Variants in TASOR observed in about 807,000 individuals in gnomAD.
The protein encoded by TASOR is protein TASOR.
Under a neutral mutation model 178.6 loss-of-function variants are expected in TASOR, and 53 were observed. That is an observed-to-expected ratio of 0.30 (90% CI 0.24 to 0.37). TASOR has a LOEUF of 0.37. Among genes scored for constraint, TASOR ranks in the 10% least tolerant of loss-of-function variants. TASOR has a pLI of 1.00. For missense variants in TASOR, 1,815 were observed against 1,971.4 expected, an observed-to-expected ratio of 0.92 and a Z score of 1.50; for synonymous variants, 713 against 696.2, an observed-to-expected ratio of 1.02 and a Z score of -0.38.
Position 56,638,736 on chromosome 3 carries a change from G to A in TASOR, c.2794C>T (p.Leu932=). 6.2e-7 allele frequency: 1 copy of A among 1,614,116 alleles called. No individual in the cohort carries two copies. The highest frequency in any genetic ancestry group is 8.5e-7 in the Non-Finnish European group (1 of 1,179,996). ...GGNARSPEDQ[L]GKHGEKQTPG... is the part of the protein sequence containing the mutation. Reference sequence around the variant, plus strand: ...GTTTGTTTCTCACCATGTTTCCCCAGCTGGTCTTCTGGGCTTCTTGCATTC... The same window carrying A: ...GTTTGTTTCTCACCATGTTTCCCCAACTGGTCTTCTGGGCTTCTTGCATTC... Residue 932 remains leucine (L), a synonymous_variant, in exon 17 of 24, where the codon CTG becomes TTG. Coordinates refer to ENST00000683822, the MANE Select transcript of TASOR (RefSeq NM_001365635.2).
At chr3:56,640,162 A>C (rs1489949) in intron 15 of TASOR, 32 bp from the exon 16 acceptor site, 1,495,148 of 1,584,538 alleles carry the variant, frequency 0.94, 705,723 homozygotes, top group East Asian at 1. Context: ...GAATAGCTTT[A>C]TTTCCAATTC....
chr3:56,662,265 A>C, intron 9 of TASOR, 120 bp downstream of exon 9: 1 of 643,936 alleles, frequency 1.6e-6, no homozygotes, highest in Non-Finnish European at 2.8e-6. Context: ...AAACAAACCA[A>C]CATTTATATT....
At chr3:56,639,819 C>CA (rs2077087157) in intron 16 of TASOR, among the ~76,000 whole-genome samples, 167 bp downstream of exon 16, 1 of 152,138 alleles carries the variant, frequency 6.6e-6, no homozygotes, top group Admixed American at 6.5e-5. Flanking sequence ...CAGCAACACT[C>CA]AGTGATGAAC....
rs2030105667 is a variant in TASOR, at chr3:56,667,129, A to G, written c.898-745T>C. Among the ~76,000 whole-genome samples, 3 of 152,328 alleles carry G rather than the reference A, an allele frequency of 2.0e-5. No homozygotes were observed. The East Asian group carries it at 5.8e-4, about 29-fold the overall frequency. Reference sequence around the variant, plus strand: ...CTAGAAAAGCCAATAACTATCTTACATGTATACTTCACACCTACCAATATT... The same window carrying G: ...CTAGAAAAGCCAATAACTATCTTACGTGTATACTTCACACCTACCAATATT... On this transcript the variant is annotated intron_variant, in intron 6 of 23. Transcript: ENST00000683822.
chr3:56,634,775 A>G (rs1281989183), intron 17 of TASOR, among the ~76,000 whole-genome samples: 2 of 152,218 alleles, frequency 1.3e-5, no homozygotes, highest in Non-Finnish European at 2.9e-5. Flanking sequence ...AGCTCAATCC[A>G]AAAGATCATA....
At chr3:56,678,333 C>G (rs937378445) in intron 1 of TASOR, among the ~76,000 whole-genome samples, 4 of 151,844 alleles carry the variant, frequency 2.6e-5, no homozygotes, top group Admixed American at 1.3e-4. Flanking sequence ...AGGCACCCAC[C>G]ACCAGGCCCA....
At chr3:56,641,773 G>A in intron 14 of TASOR, 21 bp from the exon 15 acceptor site, 2 of 1,568,852 alleles carry the variant, frequency 1.3e-6, no homozygotes, top group Non-Finnish European at 1.7e-6. Context: ...GGAAGTCATT[G>A]GTTGAAGTTA....
At chr3:56,647,300 T>C in intron 13 of TASOR, 77 bp from the exon 14 acceptor site, 10 of 1,186,860 alleles carry the variant, frequency 8.4e-6, no homozygotes, top group Non-Finnish European at 1.2e-5. Context: ...ATCTAAATAT[T>C]GCCAAAGAAG....
chr3:56,655,525 G>C (rs937838207), intron 11 of TASOR, among the ~76,000 whole-genome samples: 2 of 152,166 alleles, frequency 1.3e-5, no homozygotes, highest in African/African-American at 4.8e-5. Context: ...CCAGCACTTT[G>C]GGAGGTGGAG....
At chr3:56,637,319 C>T (rs1330310283) in intron 17 of TASOR, among the ~76,000 whole-genome samples, 2 of 152,082 alleles carry the variant, frequency 1.3e-5, no homozygotes, top group African/African-American at 4.8e-5. Context: ...GTCAGGAGTT[C>T]GAGACTAGCC....
chr3:56,658,093 C>T (rs889428535), intron 11 of TASOR, among the ~76,000 whole-genome samples: 1 of 152,214 alleles, frequency 6.6e-6, no homozygotes, highest in Non-Finnish European at 1.5e-5. Context: ...TTCCTCAATG[C>T]ACTGCTCATT....
chr3:56,662,581 T>A, intron 8 of TASOR, 91 bp from the exon 9 acceptor site: 1 of 556,428 alleles, frequency 1.8e-6, no homozygotes, highest in Middle Eastern at 4.3e-4. Context: ...GGAAAATATC[T>A]AGAAACAAGG....
At position 56,683,172 on chromosome 3, in the gene TASOR, CTGTA is replaced by C; in HGVS notation, c.-170_-167del. On this transcript the variant is annotated 5_prime_UTR_variant, in exon 1 of 24. Coordinates refer to ENST00000683822, the MANE Select transcript of TASOR (RefSeq NM_001365635.2). ...CGACCTGGCAGCCTCTTGGGGGGCC[CTGTA>C]GCGGGCACCCCAAATGCGCTGCCCG... 2.9e-6 allele frequency: 2 copies of C among 694,108 alleles called. No individual in the cohort carries two copies. Among genetic ancestry groups the C allele is most frequent in the Non-Finnish European group, 2.3e-6 (1 of 432,118 alleles). The allele number at this position is 694,108 out of a possible 1,614,324, so 43.0% of individuals were successfully genotyped here.
intron 2 of TASOR, among the ~76,000 whole-genome samples, chr3:56,671,977 T>C (rs574838489): frequency 6.6e-6 from 1 of 152,324 alleles, no homozygotes; most frequent in African/African-American, 2.4e-5. Flanking sequence ...GCTTTAATTA[T>C]CTTTGTATCT....
At position 56,623,047 on chromosome 3, in the gene TASOR, T is replaced by C. The variant is rs780551860; in HGVS notation, c.5003A>G (p.Gln1668Arg). 1 of 1,541,824 alleles carries C rather than the reference T, an allele frequency of 6.5e-7. No individual in the cohort carries two copies. Among genetic ancestry groups the C allele is most frequent in the Admixed American group, 2.2e-5 (1 of 46,272 alleles). ...GKSDSSRPYS[Q>R]EK The stretch of plus-strand genomic sequence containing the variant: ...AAAAAGTTACTACAGTTATTTCTCT[T>C]GTGAATATGGCCTGGAAGAATCACT... Residue 1668 changes from glutamine to arginine, a missense_variant, in exon 24 of 24, where the codon CAA becomes CGA. By Grantham distance (43) the Gln-to-Arg change is conservative. Around this residue, in one of 5 missense-constraint regions of TASOR, gnomAD observed 278 missense variants for 257.1 expected, o/e 1.08. Transcript: ENST00000683822.
At chr3:56,680,214 C>T (rs2031670194) in intron 1 of TASOR, among the ~76,000 whole-genome samples, 1 of 152,106 alleles carries the variant, frequency 6.6e-6, no homozygotes, top group Admixed American at 6.6e-5. Flanking sequence ...AGCAAGTTAC[C>T]TAACTTCTCA....
In TASOR at chr3:56,683,213, C is replaced by T. The variant is rs2031961668; in HGVS notation, c.-207G>A. Reference sequence around the variant, plus strand: ...AAATGCGCTGCCCGGTCCTCGGAGCCGCTCCTCCCTCGGGCAGTTCTTCTG... The same window carrying T: ...AAATGCGCTGCCCGGTCCTCGGAGCTGCTCCTCCCTCGGGCAGTTCTTCTG... On this transcript the variant is annotated 5_prime_UTR_variant, in exon 1 of 24. Coordinates refer to ENST00000683822, the MANE Select transcript of TASOR (RefSeq NM_001365635.2). The T allele has an allele frequency of 1.9e-6, 1 of 512,888 alleles. No individual in the cohort carries two copies. The allele number at this position is 512,888 out of a possible 1,614,324, so 31.8% of individuals were successfully genotyped here. A position where few individuals can be genotyped will look rare whatever the true frequency, so the allele number is the denominator to read the frequency against.
chr3:56,670,634 G>T (rs1200115814), intron 3 of TASOR, among the ~76,000 whole-genome samples: 1 of 151,958 alleles, frequency 6.6e-6, no homozygotes. Flanking sequence ...AAATATCTTC[G>T]ATTAAAAGGG....
chr3:56,681,087 T>TAAA (rs11310490), intron 1 of TASOR, among the ~76,000 whole-genome samples: 32 of 117,894 alleles, frequency 2.7e-4, no homozygotes, highest in East Asian at 1.8e-3. Flanking sequence ...TAACAAACAG[T>TAAA]AAAAAAAAAA....
Sources: allele counts gnomAD v4.1 joint callset (sites outside exome capture counted in the v4.1 genomes callset), GRCh38; gene constraint gnomAD v4.1.1; regional missense constraint gnomAD v4.1.1; transcripts MANE v1.5; gene names NCBI Gene and HGNC (gene_info 2026-07-23, HGNC 2026-07-21).